The following ADAMTS19 variants were observed in gnomAD, a reference collection of about 807,000 sequenced individuals.
ADAMTS19 encodes A disintegrin and metalloproteinase with thrombospondin motifs 19.
In ADAMTS19, 93 loss-of-function variants were observed where a neutral mutation model predicts 153.3. That is an observed-to-expected ratio of 0.61 (90% CI 0.51 to 0.72). The LOEUF is 0.72. Among genes scored for constraint, ADAMTS19 ranks in the 30% least tolerant of loss-of-function variants. The pLI is 0.00. For synonymous variants in ADAMTS19, 600 were observed against 556.6 expected (o/e 1.08, Z -1.10); for missense variants, 1,482 against 1,552.1 (o/e 0.95, Z 0.76).
chr5:129,702,438 A>G (rs1002948853), intron 20 of ADAMTS19, among the ~76,000 whole-genome samples: 1 of 152,200 alleles, frequency 6.6e-6, no homozygotes, highest in African/African-American at 2.4e-5. Context: ...ACAGGATGCA[A>G]AAATGATAAT....
intron 17 of ADAMTS19, among the ~76,000 whole-genome samples, chr5:129,680,392 T>A (rs76617552): frequency 1.3e-3 from 194 of 152,300 alleles, no homozygotes; most frequent in African/African-American, 4.5e-3. Context: ...CCCTGTTTGT[T>A]ATTAATGGAT....
intron 6 of ADAMTS19, among the ~76,000 whole-genome samples, chr5:129,540,082 GA>G (rs1418206093): frequency 6.6e-6 from 1 of 152,000 alleles, no homozygotes; most frequent in East Asian, 1.9e-4. Context: ...AATAACATTG[GA>G]AAAAATGTTA....
intron 2 of ADAMTS19, among the ~76,000 whole-genome samples, chr5:129,481,926 C>T (rs1475061217): frequency 6.6e-6 from 1 of 152,112 alleles, no homozygotes; most frequent in African/African-American, 2.4e-5. Context: ...ATCAAGATTT[C>T]TATCCAAGCT....
At chr5:129,645,323 G>A (rs1232598694) in intron 11 of ADAMTS19, among the ~76,000 whole-genome samples, 2 of 152,062 alleles carry the variant, frequency 1.3e-5, no homozygotes, top group Non-Finnish European at 2.9e-5. Flanking sequence ...TTTATGGAAA[G>A]CATCATTGGG....
chr5:129,621,624 C>T (rs531693502), intron 9 of ADAMTS19, among the ~76,000 whole-genome samples: 73 of 152,270 alleles, frequency 4.8e-4, no homozygotes, highest in African/African-American at 1.8e-3. Context: ...CATCAGCAGC[C>T]CTTCTGTAGG....
chr5:129,597,496 C>G (rs1445200287), intron 8 of ADAMTS19, among the ~76,000 whole-genome samples: 1 of 152,154 alleles, frequency 6.6e-6, no homozygotes, highest in Non-Finnish European at 1.5e-5. Context: ...ATTAAGTTAT[C>G]TGTTATCTTC....
At chr5:129,568,025 C>A (rs369362057) in intron 7 of ADAMTS19, among the ~76,000 whole-genome samples, 4 of 151,972 alleles carry the variant, frequency 2.6e-5, no homozygotes, top group Admixed American at 2.6e-4. Context: ...ATGTAGAATT[C>A]TATATTTTCA....
rs548382075 is a variant in ADAMTS19, at chr5:129,660,799, T to G, written c.2425+2062T>G. Among the ~76,000 whole-genome samples, 65 of 152,270 alleles carry G rather than the reference T, an allele frequency of 4.3e-4. 2 individuals carry two copies. In the South Asian group the frequency reaches 5.6e-3, roughly 13 times the overall value. On this transcript the variant is annotated intron_variant, in intron 15 of 22. Coordinates refer to ENST00000274487, the MANE Select transcript of ADAMTS19 (RefSeq NM_133638.6). The stretch of plus-strand genomic sequence containing the variant: ...ATAAGGCCACTTTCTTCCTTACAAC[T>G]CTATGTTAATTTCACATTGCTCACA...
intron 21 of ADAMTS19, among the ~76,000 whole-genome samples, chr5:129,730,620 T>A (rs1255368123): frequency 1.3e-5 from 2 of 151,998 alleles, no homozygotes; most frequent in Non-Finnish European, 2.9e-5. Context: ...ATACAAAGGG[T>A]CTATGTTAAA....
chr5:129,712,118 A>G (rs979544684), intron 21 of ADAMTS19, among the ~76,000 whole-genome samples: 1 of 152,170 alleles, frequency 6.6e-6, no homozygotes, highest in Non-Finnish European at 1.5e-5. Flanking sequence ...GTTTCTAATT[A>G]TGTCTGCAAA....
In ADAMTS19 at chr5:129,527,774, T is replaced by A. The variant is rs1161158524; in HGVS notation, c.1113T>A (p.Ser371Arg). ...NMVFNLFQHK[S>R]LSVQVNLRVI... ...TATTTAACCTTTTCCAACACAAGAG[T>A]CTGAGTGTGCAGGTCAATCTTCGTG... The change falls in exon 5 of 23, where the codon AGT (serine) becomes AGA (arginine). Residue 371 changes from serine (S) to arginine (R), a missense_variant. Around this residue, in one of 2 missense-constraint regions of ADAMTS19, gnomAD observed 866 missense variants for 827.7 expected, o/e 1.05. Transcript: ENST00000274487. 1.9e-6 allele frequency: 3 copies of A among 1,593,766 alleles called. No individual in the cohort carries two copies. Among genetic ancestry groups the A allele is most frequent in the Non-Finnish European group, 2.6e-6 (3 of 1,165,144 alleles).
At chr5:129,548,648 C>A (rs1752953100) in intron 6 of ADAMTS19, among the ~76,000 whole-genome samples, 2 of 151,726 alleles carry the variant, frequency 1.3e-5, no homozygotes, top group South Asian at 2.1e-4. Flanking sequence ...ACTAGAAATA[C>A]CATTTGACCC....
chr5:129,703,364 T>C (rs536146604), intron 20 of ADAMTS19, among the ~76,000 whole-genome samples: 104 of 152,240 alleles, frequency 6.8e-4, no homozygotes, highest in African/African-American at 2.4e-3. Context: ...CTAAAGAATT[T>C]TGAACCAAAT....
intron 3 of ADAMTS19, among the ~76,000 whole-genome samples, chr5:129,522,330 CACATATAT>C (rs1410552611): frequency 5.6e-5 from 4 of 70,972 alleles, no homozygotes; most frequent in Non-Finnish European, 7.5e-5. Flanking sequence ...CACACACACA[CACATATAT>C]ATATATATAT....
intron 19 of ADAMTS19, 38 bp downstream of exon 19, chr5:129,694,893 C>A: frequency 6.8e-7 from 1 of 1,461,156 alleles, no homozygotes; most frequent in Non-Finnish European, 9.1e-7. Flanking sequence ...CATTATTTGT[C>A]CATTAGATTG....
chr5:129,591,825 C>G (rs1750147562), intron 7 of ADAMTS19, among the ~76,000 whole-genome samples: 1 of 151,918 alleles, frequency 6.6e-6, no homozygotes, highest in African/African-American at 2.4e-5. Context: ...CTTCTGGAGC[C>G]CAGAGACTTA....
At chr5:129,462,499 G>A (rs745929125) in intron 2 of ADAMTS19, among the ~76,000 whole-genome samples, 1 of 152,094 alleles carries the variant, frequency 6.6e-6, no homozygotes, top group African/African-American at 2.4e-5. Context: ...CTGTTGGGAT[G>A]GAAAGTAAAA....
At chr5:129,645,926 T>C (rs1753042555) in intron 11 of ADAMTS19, among the ~76,000 whole-genome samples, 1 of 131,952 alleles carries the variant, frequency 7.6e-6, no homozygotes, top group African/African-American at 2.9e-5. Flanking sequence ...TCTCGCTCTG[T>C]CGCCCAGGCT....
chr5:129,636,939 C>T (rs1472575800), intron 10 of ADAMTS19, among the ~76,000 whole-genome samples: 1 of 152,162 alleles, frequency 6.6e-6, no homozygotes, highest in East Asian at 1.9e-4. Flanking sequence ...AAGGTAAACA[C>T]TCAGTGTTTG....
Sources: gnomAD v4.1 joint callset for allele counts (sites outside exome capture counted in the v4.1 genomes callset) on GRCh38, gnomAD v4.1.1 for gene constraint, gnomAD v4.1.1 regional missense constraint, MANE v1.5 for transcripts, NCBI Gene and HGNC (gene_info 2026-07-23, HGNC 2026-07-21) for gene names.